TTC6: variants seen among roughly 807,000 people sequenced by gnomAD.
TTC6 encodes tetratricopeptide repeat domain 6.
Under a neutral mutation model 210.4 loss-of-function variants are expected in TTC6, and 172 were observed. The observed-to-expected ratio is 0.82, with a 90% confidence interval of 0.72 to 0.93. The LOEUF is 0.93. TTC6 is among the 40% of genes least tolerant of loss of function. TTC6 has a pLI of 0.00. For synonymous variants in TTC6, 804 were observed against 819.6 expected, an observed-to-expected ratio of 0.98 and a Z score of 0.32; for missense variants, 2,414 against 2,318.1, an observed-to-expected ratio of 1.04 and a Z score of -0.85.
chr14:37,597,475 AG>A (rs892903631), intron 1 of TTC6, among the ~76,000 whole-genome samples: 24 of 151,956 alleles, frequency 1.6e-4, no homozygotes, highest in African/African-American at 5.6e-4. Context: ...GTCACCTTAA[AG>A]GGGGGGTCAA....
chr14:37,803,013 G>T (rs561160867), intron 20 of TTC6, among the ~76,000 whole-genome samples: 225 of 152,268 alleles, frequency 1.5e-3, no homozygotes, highest in Non-Finnish European at 2.5e-3. Context: ...AATTACAGGT[G>T]TAAGCCACTG....
chr14:37,678,709 G>T (rs530311057), intron 1 of TTC6, among the ~76,000 whole-genome samples: 1 of 152,226 alleles, frequency 6.6e-6, no homozygotes, highest in South Asian at 2.1e-4. Context: ...TCACAGTTCT[G>T]CACTGTCTGC....
chr14:37,722,825 C>A (rs1460491663), intron 6 of TTC6, among the ~76,000 whole-genome samples: 2 of 151,946 alleles, frequency 1.3e-5, no homozygotes, highest in Non-Finnish European at 2.9e-5. Flanking sequence ...GTCTTTTTTT[C>A]CCCTTTCCAT....
intron 1 of TTC6, among the ~76,000 whole-genome samples, chr14:37,601,942 AGGAGCT>A (rs1401688789): frequency 6.6e-6 from 1 of 152,258 alleles, no homozygotes; most frequent in Non-Finnish European, 1.5e-5. Flanking sequence ...ACTTTTCACT[AGGAGCT>A]GGAAAGGAAA....
intron 3 of TTC6, among the ~76,000 whole-genome samples, chr14:37,686,590 AAG>A (rs2095794240): frequency 6.6e-6 from 1 of 152,198 alleles, no homozygotes; most frequent in African/African-American, 2.4e-5. Context: ...TTACAAAAGA[AAG>A]AGGTTTAATG....
At chr14:37,615,255 A>G (rs901338543) in intron 2 of TTC6, among the ~76,000 whole-genome samples, 1 of 152,042 alleles carries the variant, frequency 6.6e-6, no homozygotes, top group African/African-American at 2.4e-5. Flanking sequence ...ATTTATTCTG[A>G]TTGAGATTCA....
chr14:37,765,142 C>CA lies in TTC6; in HGVS notation c.3266+11910dup, dbSNP rs1490082298. 4.6e-5 allele frequency among the ~76,000 whole-genome samples: 7 copies of CA among 151,718 alleles called. No individual in the cohort carries two copies. In the East Asian group the frequency reaches 1.4e-3, roughly 29 times the overall value. On this transcript the variant is annotated intron_variant, in intron 14 of 30. Coordinates refer to ENST00000553443, the Ensembl canonical transcript of TTC6. ...CCCCAACTTGATGTTGTTATTGTTGCAAATTACATCTTTATAAATATTAAA... is the reference window on the plus strand; with the variant it reads ...CCCCAACTTGATGTTGTTATTGTTGCAAAATTACATCTTTATAAATATTAAA...
rs530248582 is a variant in TTC6 at position 37,837,208 on chromosome 14, C to T, written c.5299-4237C>T. ...CACAGTTCAAAGTTCTTTTCTCTTACCTGAGAAAAAGAATTTGCTTTTACA... is the reference window on the plus strand; with the variant it reads ...CACAGTTCAAAGTTCTTTTCTCTTATCTGAGAAAAAGAATTTGCTTTTACA... On this transcript the variant is annotated intron_variant, in intron 29 of 30. Coordinates refer to ENST00000553443, the Ensembl canonical transcript of TTC6. 3.2e-3 allele frequency: 797 copies of T among 250,104 alleles called. 2 individuals carry two copies. Among genetic ancestry groups the T allele is most frequent in the Non-Finnish European group, 4.5e-3 (549 of 123,214 alleles). 15.5% of individuals were successfully genotyped at this position (250,104 alleles called of 1,614,324 possible).
At chr14:37,690,280 C>G (rs1289165761) in intron 3 of TTC6, among the ~76,000 whole-genome samples, 1 of 151,792 alleles carries the variant, frequency 6.6e-6, no homozygotes, top group Non-Finnish European at 1.5e-5. Flanking sequence ...AGAAAGCCAC[C>G]TTTACTAAAA....
At chr14:37,728,963 C>G (rs1304512021) in intron 7 of TTC6, among the ~76,000 whole-genome samples, 1 of 152,178 alleles carries the variant, frequency 6.6e-6, no homozygotes, top group Non-Finnish European at 1.5e-5. Context: ...TATATCCATT[C>G]AGACATTTTC....
intron 1 of TTC6, among the ~76,000 whole-genome samples, chr14:37,631,704 T>C (rs1336698275): frequency 2.0e-5 from 3 of 152,206 alleles, no homozygotes; most frequent in African/African-American, 7.2e-5. Flanking sequence ...TCGTGAAGAG[T>C]GTTTTCCAAC....
intron 2 of TTC6, among the ~76,000 whole-genome samples, chr14:37,607,344 T>A (rs576244954): frequency 2.0e-4 from 31 of 152,302 alleles, no homozygotes; most frequent in African/African-American, 7.5e-4. Context: ...GAACATTAAG[T>A]CTAGAGCTCA....
intron 14 of TTC6, among the ~76,000 whole-genome samples, chr14:37,770,542 C>G (rs1388473308): frequency 1.3e-5 from 2 of 151,856 alleles, no homozygotes; most frequent in African/African-American, 2.4e-5. Context: ...GAAGTGATCC[C>G]TTTACCATTA....
At chr14:37,768,105 A>G (rs2096005173) in intron 14 of TTC6, among the ~76,000 whole-genome samples, 1 of 151,154 alleles carries the variant, frequency 6.6e-6, no homozygotes, top group Admixed American at 6.6e-5. Flanking sequence ...AAGATGAGAT[A>G]GTTGTAGATA....
chr14:37,667,716 C>T (rs2138451500), intron 1 of TTC6, among the ~76,000 whole-genome samples: 1 of 150,812 alleles, frequency 6.6e-6, no homozygotes, highest in Admixed American at 6.6e-5. Context: ...TTGTTATTTC[C>T]ACTGTCTGTG....
intron 3 of TTC6, among the ~76,000 whole-genome samples, chr14:37,686,402 G>A (rs1005217253): frequency 4.6e-5 from 7 of 152,174 alleles, no homozygotes; most frequent in Admixed American, 1.3e-4. Flanking sequence ...GGAGATTGTC[G>A]TCAGGTGGAC....
intron 29 of TTC6, among the ~76,000 whole-genome samples, chr14:37,835,940 C>T (rs2096196882): frequency 6.6e-6 from 1 of 152,136 alleles, no homozygotes; most frequent in African/African-American, 2.4e-5. Context: ...ACCCTGCCCT[C>T]TTATCTCTAC....
intron 1 of TTC6, among the ~76,000 whole-genome samples, chr14:37,600,502 A>C (rs1594989904): frequency 2.0e-5 from 3 of 147,200 alleles, no homozygotes; most frequent in Admixed American, 6.8e-5. Context: ...CCCTCCCCCC[A>C]CACACCCAGG....
exon 1 of TTC6, chr14:37,622,940 C>G (rs1566845557): frequency 4.6e-6 from 7 of 1,531,282 alleles, no homozygotes; most frequent in Middle Eastern, 1.7e-4. Flanking sequence ...AGCTGGCCTC[C>G]GACCAGACCA....
Sources: allele counts gnomAD v4.1 joint callset (sites outside exome capture counted in the v4.1 genomes callset), GRCh38; gene constraint gnomAD v4.1.1; transcripts MANE v1.5; gene names NCBI Gene and HGNC (gene_info 2026-07-23, HGNC 2026-07-21).